CCBE1: variants seen among roughly 807,000 people sequenced by gnomAD.
CCBE1 encodes collagen and calcium binding EGF domains 1, also known as collagen and calcium-binding EGF domain-containing protein 1.
CCBE1 carries 37 observed loss-of-function variants against 50.0 expected under a neutral mutation model. The observed-to-expected ratio is 0.74, with a 90% confidence interval of 0.57 to 0.97. The LOEUF (loss-of-function observed/expected upper bound fraction) is 0.97, where lower values mean the gene tolerates loss of function less well. Among genes scored for constraint, CCBE1 ranks in the 50% least tolerant of loss-of-function variants. CCBE1 has a pLI of 0.00. For missense variants in CCBE1, 538 were observed against 523.8 expected (o/e 1.03, Z -0.26); for synonymous variants, 234 against 203.7 (o/e 1.15, Z -1.27).
chr18:59,595,224 CT>C (rs34017366), intron 2 of CCBE1, among the ~76,000 whole-genome samples: 8,707 of 140,422 alleles, frequency 0.062, 449 homozygotes, highest in African/African-American at 0.16. Flanking sequence ...CTGTTTTTTG[CT>C]TTTTTTTTTT....
At chr18:59,617,619 A>C (rs2053654072) in intron 2 of CCBE1, among the ~76,000 whole-genome samples, 1 of 152,220 alleles carries the variant, frequency 6.6e-6, no homozygotes, top group South Asian at 2.1e-4. Flanking sequence ...TTTTTCAGAG[A>C]TGGGTTAAAA....
At chr18:59,696,364 T>G in intron 2 of CCBE1, 1 of 803,850 alleles carries the variant, frequency 1.2e-6, no homozygotes, top group Non-Finnish European at 1.8e-6. Context: ...CTTCACAGAC[T>G]TCCACACAAG....
chr18:59,528,858 G>T (rs1044558319), intron 2 of CCBE1, among the ~76,000 whole-genome samples: 1 of 152,148 alleles, frequency 6.6e-6, no homozygotes, highest in African/African-American at 2.4e-5. Context: ...CATCCCAGAG[G>T]GGCACTGACC....
At chr18:59,570,305 CACACAAAAGAG>C (rs1468630818) in intron 2 of CCBE1, among the ~76,000 whole-genome samples, 4 of 152,130 alleles carry the variant, frequency 2.6e-5, no homozygotes, top group Non-Finnish European at 5.9e-5. Flanking sequence ...AACATGAACC[CACACAAAAGAG>C]ACACAAAACG....
At chr18:59,643,794 C>T (rs1376687852) in intron 2 of CCBE1, among the ~76,000 whole-genome samples, 1 of 144,074 alleles carries the variant, frequency 6.9e-6, no homozygotes, top group African/African-American at 2.6e-5. Context: ...TGTACTCCAG[C>T]CTGGGCAACA....
At chr18:59,558,349 T>C (rs1043011627) in intron 2 of CCBE1, among the ~76,000 whole-genome samples, 3 of 152,232 alleles carry the variant, frequency 2.0e-5, no homozygotes, top group African/African-American at 7.2e-5. Flanking sequence ...AGTCAAAGAA[T>C]GCAGAGACTA....
intron 2 of CCBE1, among the ~76,000 whole-genome samples, chr18:59,610,513 T>C (rs1568232815): frequency 1.3e-5 from 2 of 151,088 alleles, no homozygotes; most frequent in African/African-American, 4.9e-5. Context: ...CAAGCAGTAC[T>C]TGATAGAACA....
At chr18:59,535,312 T>C (rs1458174682) in intron 2 of CCBE1, among the ~76,000 whole-genome samples, 1 of 152,154 alleles carries the variant, frequency 6.6e-6, no homozygotes, top group Non-Finnish European at 1.5e-5. Context: ...GATAATTTCC[T>C]CAGTAGTAAT....
intron 2 of CCBE1, among the ~76,000 whole-genome samples, chr18:59,606,707 A>C (rs2053503722): frequency 6.6e-6 from 1 of 151,938 alleles, no homozygotes; most frequent in Admixed American, 6.6e-5. Context: ...TTTTAGAAGG[A>C]AAAAAAACAA....
In CCBE1 at chr18:59,439,524, G is replaced by A. The variant is rs376596493; in HGVS notation, c.951+19C>T. ...AAGTGAGAGACCTTTAGCTTGTGAG[G>A]ACCACTCATAAGGCTTACCTTAGAA... On this transcript the variant is annotated intron_variant, in intron 9 of 10. Coordinates refer to ENST00000439986, the MANE Select transcript of CCBE1 (RefSeq NM_133459.4). The A allele has an allele frequency of 1.2e-6, 2 of 1,613,808 alleles. No homozygotes were observed. The highest frequency in any genetic ancestry group is 2.7e-5 in the African/African-American group (2 of 74,922).
At chr18:59,556,363 C>T (rs977660202) in intron 2 of CCBE1, among the ~76,000 whole-genome samples, 5 of 152,074 alleles carry the variant, frequency 3.3e-5, no homozygotes, top group African/African-American at 1.2e-4. Flanking sequence ...GTACAGAGTG[C>T]GAGGAGGACT....
chr18:59,491,729 A>G (rs1346144698), intron 2 of CCBE1, among the ~76,000 whole-genome samples: 1 of 151,690 alleles, frequency 6.6e-6, no homozygotes, highest in Non-Finnish European at 1.5e-5. Flanking sequence ...CAGGAGAATC[A>G]CTTGAGCCCA....
At chr18:59,448,465 C>T (rs191989788) in intron 6 of CCBE1, among the ~76,000 whole-genome samples, 1 of 152,082 alleles carries the variant, frequency 6.6e-6, no homozygotes, top group East Asian at 1.9e-4. Context: ...CTACTATGTG[C>T]AGGTCCTGGC....
chr18:59,488,297 T>G (rs367546511), intron 2 of CCBE1, among the ~76,000 whole-genome samples: 138 of 152,236 alleles, frequency 9.1e-4, no homozygotes, highest in African/African-American at 3.2e-3. Context: ...GTGAAAGTAT[T>G]TAATGCCCCT....
At chr18:59,612,539 G>T (rs897885162) in intron 2 of CCBE1, among the ~76,000 whole-genome samples, 1 of 152,112 alleles carries the variant, frequency 6.6e-6, no homozygotes, top group Non-Finnish European at 1.5e-5. Flanking sequence ...CTGGGCAGCT[G>T]ACTTTACCAA....
intron 7 of CCBE1, among the ~76,000 whole-genome samples, 189 bp from the exon 8 acceptor site, chr18:59,440,005 C>T (rs1910347922): frequency 2.0e-5 from 3 of 152,236 alleles, no homozygotes; most frequent in Admixed American, 1.3e-4. Flanking sequence ...TCCCCATCTT[C>T]CTCTCTTTTC....
At chr18:59,528,595 C>T (rs948878713) in intron 2 of CCBE1, among the ~76,000 whole-genome samples, 14 of 152,132 alleles carry the variant, frequency 9.2e-5, no homozygotes, top group African/African-American at 2.9e-4. Flanking sequence ...TCTCAATTTT[C>T]ATGAGTTCAT....
chr18:59,668,738 C>G (rs557792608), intron 2 of CCBE1, among the ~76,000 whole-genome samples: 11 of 151,526 alleles, frequency 7.3e-5, no homozygotes, highest in African/African-American at 2.2e-4. Context: ...GCTAAGGCTG[C>G]CTCTGTGCAA....
chr18:59,478,621 A>G (rs1912423534), intron 3 of CCBE1, among the ~76,000 whole-genome samples: 1 of 152,224 alleles, frequency 6.6e-6, no homozygotes, highest in Non-Finnish European at 1.5e-5. Flanking sequence ...TTTAAGGCCT[A>G]GATGTTTGAA....
Sources: gnomAD v4.1 joint callset for allele counts (sites outside exome capture counted in the v4.1 genomes callset) on GRCh38, gnomAD v4.1.1 for gene constraint, MANE v1.5 for transcripts, NCBI Gene and HGNC (gene_info 2026-07-23, HGNC 2026-07-21) for gene names.